The following IMMP2L variants were observed in gnomAD, a reference collection of about 807,000 sequenced individuals.
IMMP2L encodes the protein mitochondrial inner membrane protease subunit 2.
In IMMP2L, 18 loss-of-function variants were observed where a neutral mutation model predicts 19.3. The observed-to-expected ratio is 0.93, with a 90% confidence interval of 0.64 to 1.38. The LOEUF (loss-of-function observed/expected upper bound fraction) is 1.38. Among genes scored for constraint, IMMP2L ranks in the 40% most tolerant of loss-of-function variants. IMMP2L has a pLI of 0.00. For missense variants in IMMP2L, 233 were observed against 218.2 expected, an observed-to-expected ratio of 1.07 and a Z score of -0.43; for synonymous variants, 76 against 73.0, an observed-to-expected ratio of 1.04 and a Z score of -0.21.
At chr7:110,667,715 CATCTT>C (rs1263217158) in intron 5 of IMMP2L, among the ~76,000 whole-genome samples, 3 of 152,182 alleles carry the variant, frequency 2.0e-5, no homozygotes, top group African/African-American at 7.2e-5. Context: ...GCCCTGCTGA[CATCTT>C]AACTTTAGCC....
intron 3 of IMMP2L, among the ~76,000 whole-genome samples, chr7:111,219,586 T>A (rs1812308334): frequency 6.6e-6 from 1 of 152,016 alleles, no homozygotes; most frequent in African/African-American, 2.4e-5. Flanking sequence ...GCTTACATAT[T>A]TTATTATGAT....
chr7:110,829,727 T>C (rs1414571726), intron 5 of IMMP2L, among the ~76,000 whole-genome samples: 1 of 152,190 alleles, frequency 6.6e-6, no homozygotes, highest in East Asian at 1.9e-4. Context: ...ATAATAAATC[T>C]AGTTTTAGAA....
At chr7:110,773,764 C>T (rs968311113) in intron 5 of IMMP2L, among the ~76,000 whole-genome samples, 5 of 151,220 alleles carry the variant, frequency 3.3e-5, no homozygotes, top group South Asian at 2.1e-4. Context: ...AGTCATTTCA[C>T]TTGCAGGTTA....
intron 3 of IMMP2L, among the ~76,000 whole-genome samples, chr7:111,263,058 A>C (rs1184166259): frequency 6.6e-6 from 1 of 152,260 alleles, no homozygotes; most frequent in African/African-American, 2.4e-5. Context: ...CTTAACGAGT[A>C]GTCAGATAAT....
chr7:110,972,513 G>T (rs571948061), intron 3 of IMMP2L, among the ~76,000 whole-genome samples: 20 of 152,142 alleles, frequency 1.3e-4, no homozygotes, highest in African/African-American at 4.1e-4. Flanking sequence ...GAAAGAGCTA[G>T]AGAAGAGGTT....
At chr7:110,986,105 C>T (rs1225896802) in intron 3 of IMMP2L, among the ~76,000 whole-genome samples, 2 of 152,142 alleles carry the variant, frequency 1.3e-5, no homozygotes, top group Non-Finnish European at 2.9e-5. Context: ...CATAGATGTG[C>T]GTTGGCAAAT....
At chr7:110,861,446 T>C (rs1807423056) in intron 5 of IMMP2L, among the ~76,000 whole-genome samples, 2 of 152,074 alleles carry the variant, frequency 1.3e-5, no homozygotes, top group Admixed American at 6.6e-5. Context: ...TTTATGTTTT[T>C]TGTAGAGATG....
At chr7:111,152,711 CAA>C (rs1415884255) in intron 3 of IMMP2L, among the ~76,000 whole-genome samples, 1 of 152,044 alleles carries the variant, frequency 6.6e-6, no homozygotes, top group African/African-American at 2.4e-5. Flanking sequence ...CATTAATAGA[CAA>C]AAAGGCCATT....
chr7:111,460,244 T>C (rs573202376), intron 3 of IMMP2L, among the ~76,000 whole-genome samples: 18 of 152,226 alleles, frequency 1.2e-4, no homozygotes, highest in African/African-American at 2.6e-4. Context: ...GGCACTCGAA[T>C]TGAGTTTTTT....
At chr7:111,531,191 G>C (rs374362856) in intron 1 of IMMP2L, among the ~76,000 whole-genome samples, 2 of 152,014 alleles carry the variant, frequency 1.3e-5, no homozygotes, top group East Asian at 1.9e-4. Context: ...TCCTGACCTT[G>C]TGATCCGCCC....
At chr7:110,716,152 G>T (rs1382998489) in intron 5 of IMMP2L, among the ~76,000 whole-genome samples, 1 of 151,786 alleles carries the variant, frequency 6.6e-6, no homozygotes, top group Non-Finnish European at 1.5e-5. Flanking sequence ...GTTGGGAAAA[G>T]ATCTGTCTGT....
chr7:110,682,694 T>C (rs1483744145), intron 5 of IMMP2L, among the ~76,000 whole-genome samples: 1 of 151,860 alleles, frequency 6.6e-6, no homozygotes, highest in Non-Finnish European at 1.5e-5. Context: ...AATCTGAGAG[T>C]CCTATTGAAT....
chr7:110,737,627 T>A (rs1796725538), intron 5 of IMMP2L, among the ~76,000 whole-genome samples: 1 of 152,178 alleles, frequency 6.6e-6, no homozygotes, highest in African/African-American at 2.4e-5. Flanking sequence ...CCTTGGGAAC[T>A]CTATGGCCCT....
chr7:111,026,117 A>C (rs1826787722), intron 3 of IMMP2L, among the ~76,000 whole-genome samples: 1 of 152,160 alleles, frequency 6.6e-6, no homozygotes, highest in Admixed American at 6.6e-5. Flanking sequence ...CATTTTTAAA[A>C]ATAAAATAGA....
At chr7:110,868,102 A>G (rs980146305) in intron 5 of IMMP2L, among the ~76,000 whole-genome samples, 9 of 105,404 alleles carry the variant, frequency 8.5e-5, no homozygotes. Context: ...TCTGAATACC[A>G]GGTTCTTGTG....
intron 3 of IMMP2L, among the ~76,000 whole-genome samples, chr7:111,457,405 A>C (rs1839768105): frequency 6.6e-6 from 1 of 152,012 alleles, no homozygotes; most frequent in South Asian, 2.1e-4. Context: ...TATATAAACA[A>C]AAATTTAAAT....
intron 5 of IMMP2L, among the ~76,000 whole-genome samples, chr7:110,667,986 T>G (rs1791579037): frequency 6.6e-6 from 1 of 152,228 alleles, no homozygotes; most frequent in African/African-American, 2.4e-5. Flanking sequence ...TACATATTCC[T>G]TTTTCCCTTT....
intron 1 of IMMP2L, among the ~76,000 whole-genome samples, chr7:111,534,538 C>T (rs1309379258): frequency 6.6e-6 from 1 of 152,014 alleles, no homozygotes; most frequent in Non-Finnish European, 1.5e-5. Context: ...AGGAATTTCA[C>T]TTTATGCTTT....
At chr7:110,680,990 A>C (rs997636096) in intron 5 of IMMP2L, among the ~76,000 whole-genome samples, 2 of 151,900 alleles carry the variant, frequency 1.3e-5, no homozygotes, top group African/African-American at 4.8e-5. Flanking sequence ...TTTCGTTGCA[A>C]TTTTTCTGTA....
Sources: allele counts gnomAD v4.1 joint callset (sites outside exome capture counted in the v4.1 genomes callset), GRCh38; gene constraint gnomAD v4.1.1; transcripts MANE v1.5; gene names NCBI Gene and HGNC (gene_info 2026-07-23, HGNC 2026-07-21).